STAMBPL1: variants seen among roughly 807,000 people sequenced by gnomAD.
STAMBPL1 encodes the protein AMSH-like protease.
STAMBPL1 carries 44 observed loss-of-function variants against 52.9 expected under a neutral mutation model. The observed-to-expected ratio is 0.83, with a 90% CI of 0.65 to 1.07. STAMBPL1 has a LOEUF of 1.07. Ranked by LOEUF, STAMBPL1 falls within the 50% of genes least tolerant of loss-of-function variation. STAMBPL1 has a pLI of 0.00. For synonymous variants in STAMBPL1, 164 were observed against 177.3 expected (o/e 0.92, Z 0.60); for missense variants, 511 against 520.8 (o/e 0.98, Z 0.18).
intron 5 of STAMBPL1, among the ~76,000 whole-genome samples, chr10:88,912,073 G>A (rs1845239534): frequency 6.6e-6 from 1 of 152,184 alleles, no homozygotes; most frequent in Non-Finnish European, 1.5e-5. Flanking sequence ...GAATCTCTGT[G>A]GGTTTAGAAT....
At chr10:88,892,310 G>C (rs1383856081) in intron 1 of STAMBPL1, among the ~76,000 whole-genome samples, 1 of 151,740 alleles carries the variant, frequency 6.6e-6, no homozygotes. Context: ...GTGGGGCCTA[G>C]AAATCTGTGG....
chr10:88,900,030 A>G (rs1446478477), intron 1 of STAMBPL1, among the ~76,000 whole-genome samples: 1 of 152,160 alleles, frequency 6.6e-6, no homozygotes, highest in Non-Finnish European at 1.5e-5. Flanking sequence ...CTTCTAAACT[A>G]CACTGTGATG....
chr10:88,910,961 G>T lies in STAMBPL1; in HGVS notation c.370G>T (p.Asp124Tyr). The change falls in exon 5 of 11, where the codon GAC (aspartate) becomes TAC (tyrosine). Residue 124 changes from aspartate (D) to tyrosine (Y), a missense_variant. Asp to Tyr is a radical substitution (Grantham distance 160, BLOSUM62 -3). Coordinates refer to ENST00000371926, the MANE Select transcript of STAMBPL1 (RefSeq NM_020799.4). ...AFPRTDELKN[D>Y]LLKKYNVEYQ... ...CCCAAGGACAGATGAATTGAAAAAC[G>T]ACCTTTTAAAGAAATATAACGTAGA... 3.1e-6 allele frequency: 5 copies of T among 1,597,856 alleles called. No individual in the cohort carries two copies. In the South Asian group the frequency reaches 4.7e-5, roughly 15 times the overall value.
intron 1 of STAMBPL1, among the ~76,000 whole-genome samples, chr10:88,898,058 G>A (rs902476849): frequency 6.6e-6 from 1 of 152,106 alleles, no homozygotes; most frequent in African/African-American, 2.4e-5. Flanking sequence ...GTAGCATAGT[G>A]AGTTTTTGTT....
intron 1 of STAMBPL1, among the ~76,000 whole-genome samples, chr10:88,884,442 A>G (rs1231142431): frequency 1.3e-5 from 2 of 152,226 alleles, no homozygotes; most frequent in Non-Finnish European, 2.9e-5. Flanking sequence ...TTGTCAGAAG[A>G]ACACTTTGGC....
In STAMBPL1 at chr10:88,908,942, T is replaced by C. The variant is rs147823993; in HGVS notation, c.324+165T>C. ...CGATTTTTTCTTAGACATTTAATGA[T>C]CATCACTGAGCCAGTGTGGTTTGTC... On this transcript the variant is annotated intron_variant, in intron 4 of 10. Coordinates refer to ENST00000371926, the MANE Select transcript of STAMBPL1 (RefSeq NM_020799.4). Among the ~76,000 whole-genome samples, 762 of 152,310 alleles carry C rather than the reference T, an allele frequency of 5.0e-3. 1 individual carries two copies. The highest frequency in any genetic ancestry group is 8.0e-3 in the Non-Finnish European group (542 of 68,022).
In STAMBPL1 at chr10:88,921,275, A is replaced by G. The variant is rs756983178; in HGVS notation, c.1042-8A>G. 3.1e-6 allele frequency: 5 copies of G among 1,606,444 alleles called. No individual in the cohort carries two copies. The Admixed American group carries it at 5.0e-5, about 16-fold the overall frequency. ...TCCTAGTAAGATTATCTTATTTTCTATTTATAGACACATCCCACTCAAACT... is the reference window on the plus strand; with the variant it reads ...TCCTAGTAAGATTATCTTATTTTCTGTTTATAGACACATCCCACTCAAACT... On this transcript the variant is annotated splice_polypyrimidine_tract_variant and splice_region_variant and intron_variant, in intron 8 of 10. Transcript: ENST00000371926.
At chr10:88,922,261 G>A in intron 9 of STAMBPL1, 76 bp from the exon 10 acceptor site, 4 of 1,302,690 alleles carry the variant, frequency 3.1e-6, no homozygotes, top group Non-Finnish European at 4.4e-6. Flanking sequence ...ATGTATGTGT[G>A]TGCTGTTCAA....
intron 1 of STAMBPL1, among the ~76,000 whole-genome samples, chr10:88,896,429 A>G (rs1844811738): frequency 6.6e-6 from 1 of 152,140 alleles, no homozygotes; most frequent in Non-Finnish European, 1.5e-5. Context: ...CTTTATCTAA[A>G]TCAGATTAGG....
chr10:88,892,489 G>A (rs1257851829), intron 1 of STAMBPL1, among the ~76,000 whole-genome samples: 1 of 152,186 alleles, frequency 6.6e-6, no homozygotes, highest in African/African-American at 2.4e-5. Context: ...TCTAGGGTAG[G>A]AAGGTAGGAA....
At chr10:88,889,579 A>C (rs1025101506) in intron 1 of STAMBPL1, among the ~76,000 whole-genome samples, 11 of 152,104 alleles carry the variant, frequency 7.2e-5, no homozygotes, top group African/African-American at 2.7e-4. Context: ...TTATTCTTTT[A>C]CTTGTTGAAA....
chr10:88,885,459 G>T (rs1844508415), intron 1 of STAMBPL1, among the ~76,000 whole-genome samples: 1 of 152,108 alleles, frequency 6.6e-6, no homozygotes, highest in South Asian at 2.1e-4. Flanking sequence ...TATTTTCTGG[G>T]TCTTTACCCT....
At chr10:88,916,603 A>C in intron 7 of STAMBPL1, 77 bp from the exon 8 acceptor site, 1 of 1,462,350 alleles carries the variant, frequency 6.8e-7, no homozygotes, top group South Asian at 1.4e-5. Flanking sequence ...CTTTAGTCTT[A>C]AACATTTCAT....
At chr10:88,917,191 C>T (rs2133208824) in intron 8 of STAMBPL1, among the ~76,000 whole-genome samples, 1 of 152,192 alleles carries the variant, frequency 6.6e-6, no homozygotes, top group East Asian at 1.9e-4. Flanking sequence ...GAAGGCTTAG[C>T]CAAATTGTTA....
chr10:88,905,224 T>C (rs1845042869), intron 2 of STAMBPL1, among the ~76,000 whole-genome samples: 1 of 152,220 alleles, frequency 6.6e-6, no homozygotes, highest in Non-Finnish European at 1.5e-5. Context: ...TATGTTTACC[T>C]TGGAGGTTTG....
intron 4 of STAMBPL1, 71 bp downstream of exon 4, chr10:88,908,848 C>T (rs1297930520): frequency 1.6e-5 from 19 of 1,187,930 alleles, no homozygotes; most frequent in Non-Finnish European, 2.0e-5. Flanking sequence ...TCACCCTTCC[C>T]CTTCCTCCCC....
At chr10:88,920,784 C>G (rs375157408) in intron 8 of STAMBPL1, among the ~76,000 whole-genome samples, 4 of 152,282 alleles carry the variant, frequency 2.6e-5, no homozygotes, top group African/African-American at 9.6e-5. Context: ...AAAGGATACA[C>G]AGCAGCATGT....
At chr10:88,910,302 TC>T (rs1845187551) in intron 4 of STAMBPL1, among the ~76,000 whole-genome samples, 1 of 152,042 alleles carries the variant, frequency 6.6e-6, no homozygotes, top group Admixed American at 6.5e-5. Flanking sequence ...TATCCTCAAC[TC>T]TAAAAAAGAA....
At chr10:88,882,999 T>A (rs191578756) in intron 1 of STAMBPL1, 171 of 147,458 alleles carry the variant, frequency 1.2e-3, no homozygotes, top group African/African-American at 4.1e-3. Flanking sequence ...CGTAATGCTA[T>A]CTCTCCCCCC....
Sources: allele counts gnomAD v4.1 joint callset (sites outside exome capture counted in the v4.1 genomes callset), GRCh38; gene constraint gnomAD v4.1.1; transcripts MANE v1.5; gene names NCBI Gene and HGNC (gene_info 2026-07-23, HGNC 2026-07-21).